The following CMIP variants were observed in gnomAD, a reference collection of about 807,000 sequenced individuals.
The protein encoded by CMIP is C-Maf-inducing protein.
Under a neutral mutation model 97.3 loss-of-function variants are expected in CMIP, and 13 were observed. The ratio of observed to expected loss-of-function variants is 0.13; its 90% CI spans 0.09 to 0.21. CMIP has a LOEUF of 0.21. CMIP is among the 10% of genes least tolerant of loss of function. The pLI, the probability that CMIP is intolerant of heterozygous loss-of-function variation, is 1.00. For missense variants in CMIP, 847 were observed against 1,024.9 expected (o/e 0.83, Z 2.37); for synonymous variants, 538 against 436.3 (o/e 1.23, Z -2.91).
chr16:81,529,571 A>T (rs1013443004), intron 1 of CMIP, among the ~76,000 whole-genome samples: 13 of 152,190 alleles, frequency 8.5e-5, no homozygotes, highest in African/African-American at 3.1e-4. Flanking sequence ...CAGGATGAAG[A>T]GGATTCCGCA....
At chr16:81,696,819 G>A in intron 14 of CMIP, 152 bp downstream of exon 14, 1 of 684,346 alleles carries the variant, frequency 1.5e-6, no homozygotes, top group Non-Finnish European at 2.4e-6. Context: ...TGGTGGTGGT[G>A]GTGATGGTGA....
chr16:81,675,950 G>A (rs937094543), intron 9 of CMIP, among the ~76,000 whole-genome samples: 3 of 152,226 alleles, frequency 2.0e-5, no homozygotes, highest in African/African-American at 7.2e-5. Context: ...GTTGTCCTGG[G>A]TTTCAGTGGC....
At chr16:81,495,727 T>C (rs979613948) in intron 1 of CMIP, among the ~76,000 whole-genome samples, 2 of 152,220 alleles carry the variant, frequency 1.3e-5, no homozygotes, top group Non-Finnish European at 2.9e-5. Flanking sequence ...TGAGACATTG[T>C]GAGAGCTGTC....
At chr16:81,538,183 TG>T (rs2090382253) in intron 1 of CMIP, among the ~76,000 whole-genome samples, 1 of 152,036 alleles carries the variant, frequency 6.6e-6, no homozygotes, top group African/African-American at 2.4e-5. Context: ...ATTAGGGAAG[TG>T]GTAGGGAGTC....
chr16:81,605,374 T>C (rs955825952), intron 1 of CMIP, among the ~76,000 whole-genome samples: 9 of 152,290 alleles, frequency 5.9e-5, no homozygotes, highest in South Asian at 2.1e-4. Flanking sequence ...CTCCCCTAGA[T>C]TGTGGGGTCC....
At chr16:81,487,784 G>A (rs2089341514) in intron 1 of CMIP, among the ~76,000 whole-genome samples, 1 of 152,242 alleles carries the variant, frequency 6.6e-6, no homozygotes, top group African/African-American at 2.4e-5. Context: ...GCCTGGCACG[G>A]AGTAAAGGCT....
intron 13 of CMIP, chr16:81,696,009 A>G: frequency 6.2e-6 from 1 of 161,958 alleles, no homozygotes. Context: ...CAGAAGGCAC[A>G]CACCCAAGAG....
chr16:81,605,884 A>G (rs144879044), intron 1 of CMIP, among the ~76,000 whole-genome samples: 2 of 152,330 alleles, frequency 1.3e-5, no homozygotes, highest in African/African-American at 4.8e-5. Flanking sequence ...AGTTCAGTAA[A>G]TGTCTGTCAG....
intron 1 of CMIP, chr16:81,476,510 G>C: frequency 1.5e-6 from 1 of 685,944 alleles, no homozygotes; most frequent in Non-Finnish European, 2.7e-6. Flanking sequence ...AACACAGTGG[G>C]GTTGACCATG....
At chr16:81,694,884 G>A (rs991940091) in intron 13 of CMIP, among the ~76,000 whole-genome samples, 2 of 152,202 alleles carry the variant, frequency 1.3e-5, no homozygotes, top group African/African-American at 2.4e-5. Flanking sequence ...AAGGAGAAAC[G>A]GTGGATATGG....
chr16:81,663,542 T>C (rs138056017), intron 6 of CMIP, among the ~76,000 whole-genome samples: 3 of 152,262 alleles, frequency 2.0e-5, no homozygotes, highest in African/African-American at 4.8e-5. Flanking sequence ...TCCTATGATA[T>C]TACATTGGTG....
chr16:81,677,373 A>T (rs1240775359), intron 9 of CMIP, among the ~76,000 whole-genome samples: 2 of 152,084 alleles, frequency 1.3e-5, no homozygotes, highest in African/African-American at 2.4e-5. Flanking sequence ...TGGCACAGAG[A>T]CGGTCGGAAT....
chr16:81,519,394 G>A (rs971516345), intron 1 of CMIP: 2 of 152,226 alleles, frequency 1.3e-5, no homozygotes, highest in Non-Finnish European at 2.9e-5. Context: ...GCAGAGCCTG[G>A]GCTGCCCAAA....
intron 10 of CMIP, among the ~76,000 whole-genome samples, chr16:81,687,268 C>T (rs1231805237): frequency 1.3e-5 from 2 of 152,308 alleles, no homozygotes; most frequent in Non-Finnish European, 2.9e-5. Context: ...GAGACCTGGG[C>T]CCCTCCTGGG....
intron 1 of CMIP, among the ~76,000 whole-genome samples, chr16:81,479,418 T>C (rs778314009): frequency 1.3e-5 from 2 of 152,160 alleles, no homozygotes; most frequent in Non-Finnish European, 2.9e-5. Context: ...TACGTTCACA[T>C]TGTTGCACAA....
chr16:81,602,811 C>A (rs939268347), intron 1 of CMIP, among the ~76,000 whole-genome samples: 12 of 152,218 alleles, frequency 7.9e-5, no homozygotes, highest in Admixed American at 3.3e-4. Context: ...TTATCCAATT[C>A]AGCCTCCTAC....
intron 1 of CMIP, among the ~76,000 whole-genome samples, chr16:81,512,638 T>G (rs1016012184): frequency 6.6e-6 from 1 of 152,082 alleles, no homozygotes; most frequent in Non-Finnish European, 1.5e-5. Flanking sequence ...TTCCAAAGGT[T>G]TTTTTTTAAA....
intron 1 of CMIP, among the ~76,000 whole-genome samples, chr16:81,514,808 A>G (rs2089880999): frequency 6.6e-6 from 1 of 152,206 alleles, no homozygotes; most frequent in African/African-American, 2.4e-5. Context: ...GACTTAATAC[A>G]CAATCCTTAG....
At chr16:81,670,927 C>T (rs906872822) in intron 8 of CMIP, among the ~76,000 whole-genome samples, 1 of 152,166 alleles carries the variant, frequency 6.6e-6, no homozygotes, top group East Asian at 1.9e-4. Flanking sequence ...CTCCCGGGTT[C>T]AAGCAATTCT....
Sources: allele counts gnomAD v4.1 joint callset (sites outside exome capture counted in the v4.1 genomes callset), GRCh38; gene constraint gnomAD v4.1.1; transcripts MANE v1.5; gene names NCBI Gene and HGNC (gene_info 2026-07-23, HGNC 2026-07-21).